Variants in PDCL2 observed in about 807,000 individuals in gnomAD.
The protein encoded by PDCL2 is phosducin like 2.
PDCL2 carries 23 observed loss-of-function variants against 30.3 expected under a neutral mutation model. The ratio of observed to expected loss-of-function variants is 0.76; its 90% confidence interval spans 0.55 to 1.08. PDCL2 has a LOEUF of 1.08. Ranked by LOEUF, PDCL2 falls within the 50% of genes least tolerant of loss-of-function variation. PDCL2 has a pLI of 0.00. For synonymous variants in PDCL2, 68 were observed against 86.2 expected, an observed-to-expected ratio of 0.79 and a Z score of 1.17; for missense variants, 243 against 282.3, an observed-to-expected ratio of 0.86 and a Z score of 1.00.
chr4:55,561,751 T>C (rs1480545625), intron 5 of PDCL2, among the ~76,000 whole-genome samples: 1 of 151,986 alleles, frequency 6.6e-6, no homozygotes, highest in Non-Finnish European at 1.5e-5. Flanking sequence ...AAATAGAAAG[T>C]CTTGTGTTGT....
chr4:55,556,743 ATCTTG>A, intron 5 of PDCL2, 32 bp from the exon 6 acceptor site: 1 of 1,464,482 alleles, frequency 6.8e-7, no homozygotes, highest in Admixed American at 2.8e-5. Context: ...TCAGTTAAAA[ATCTTG>A]AAAAAATGAA....
intron 1 of PDCL2, among the ~76,000 whole-genome samples, chr4:55,591,225 T>C (rs1370862893): frequency 2.0e-5 from 3 of 151,756 alleles, no homozygotes; most frequent in Admixed American, 2.0e-4. Context: ...ATCCCAGTGG[T>C]TTTAATCTGC....
At chr4:55,582,592 CA>C (rs1447185672) in intron 1 of PDCL2, among the ~76,000 whole-genome samples, 2 of 152,218 alleles carry the variant, frequency 1.3e-5, no homozygotes, top group African/African-American at 4.8e-5. Flanking sequence ...TCAAGACCAT[CA>C]GATGAACTTC....
At chr4:55,584,399 G>A (rs1732806585) in intron 1 of PDCL2, among the ~76,000 whole-genome samples, 2 of 152,202 alleles carry the variant, frequency 1.3e-5, no homozygotes, top group African/African-American at 2.4e-5. Flanking sequence ...TGGGACTACA[G>A]GTGCCTACCA....
intron 2 of PDCL2, 22 bp downstream of exon 2, chr4:55,582,094 GC>G: frequency 6.2e-7 from 1 of 1,610,790 alleles, no homozygotes; most frequent in Non-Finnish European, 8.5e-7. Context: ...CCATCATCCA[GC>G]CCACCAAATC....
intron 3 of PDCL2, among the ~76,000 whole-genome samples, chr4:55,573,895 T>C (rs1350683379): frequency 7.1e-6 from 1 of 141,106 alleles, no homozygotes; most frequent in Non-Finnish European, 1.5e-5. Context: ...TGTTTGTTTT[T>C]TGTTTGTTTT....
chr4:55,582,273 T>C, intron 1 of PDCL2, 36 bp from the exon 2 acceptor site: 1 of 1,552,538 alleles, frequency 6.4e-7, no homozygotes, highest in South Asian at 1.2e-5. Context: ...ATTAACATGG[T>C]TGTACACTTT....
At chr4:55,564,787 C>G (rs1732220321) in intron 4 of PDCL2, among the ~76,000 whole-genome samples, 1 of 152,172 alleles carries the variant, frequency 6.6e-6, no homozygotes, top group African/African-American at 2.4e-5. Flanking sequence ...AAAACAAACA[C>G]CACCCTTTTA....
intron 3 of PDCL2, among the ~76,000 whole-genome samples, chr4:55,578,278 C>T (rs1298939804): frequency 2.0e-5 from 3 of 152,102 alleles, no homozygotes; most frequent in East Asian, 3.9e-4. Flanking sequence ...ACACAGAACC[C>T]CAATATTTGG....
intron 1 of PDCL2, among the ~76,000 whole-genome samples, chr4:55,589,450 G>A (rs953804543): frequency 2.0e-5 from 3 of 152,182 alleles, no homozygotes; most frequent in South Asian, 2.1e-4. Flanking sequence ...CCAACAATAC[G>A]ACTCAGGTTA....
chr4:55,573,049 C>T lies in PDCL2; in HGVS notation c.219-3188G>A, dbSNP rs7665678. Among the ~76,000 whole-genome samples the T allele has an allele frequency of 1.1e-3, 175 of 152,270 alleles. 1 individual carries two copies. The highest frequency in any genetic ancestry group is 3.9e-3 in the African/African-American group (161 of 41,556). Reference sequence around the variant, plus strand: ...CTGGGATTACAGGCATGAGCCACCGCGCCCGGCTGTGTGTTTCTACTTCTT... The same window carrying T: ...CTGGGATTACAGGCATGAGCCACCGTGCCCGGCTGTGTGTTTCTACTTCTT... On this transcript the variant is annotated intron_variant, in intron 3 of 5. Coordinates refer to ENST00000295645, the MANE Select transcript of PDCL2 (RefSeq NM_152401.3).
chr4:55,576,496 T>G (rs550678565), intron 3 of PDCL2, among the ~76,000 whole-genome samples: 2 of 152,210 alleles, frequency 1.3e-5, no homozygotes, highest in African/African-American at 4.8e-5. Context: ...TATATAACAA[T>G]GTAGTCTGTG....
At chr4:55,569,289 T>A (rs747823480) in intron 4 of PDCL2, among the ~76,000 whole-genome samples, 11 of 152,168 alleles carry the variant, frequency 7.2e-5, no homozygotes, top group Non-Finnish European at 1.3e-4. Flanking sequence ...CATCATGCTA[T>A]GTTCAGTTTA....
intron 5 of PDCL2, among the ~76,000 whole-genome samples, chr4:55,560,740 G>A (rs1732110351): frequency 6.6e-6 from 1 of 152,166 alleles, no homozygotes; most frequent in Non-Finnish European, 1.5e-5. Flanking sequence ...CAAGGTGATG[G>A]TATTAAGAGG....
At chr4:55,578,114 T>A (rs548858550) in intron 3 of PDCL2, among the ~76,000 whole-genome samples, 1 of 152,328 alleles carries the variant, frequency 6.6e-6, no homozygotes, top group Admixed American at 6.5e-5. Context: ...GCTTTCTATA[T>A]TTTCCCAAAA....
chr4:55,586,929 C>A (rs1461971880), intron 1 of PDCL2, among the ~76,000 whole-genome samples: 2 of 151,492 alleles, frequency 1.3e-5, no homozygotes, highest in African/African-American at 2.4e-5. Flanking sequence ...TGTTAAGCAT[C>A]TTTTCATGTG....
intron 1 of PDCL2, among the ~76,000 whole-genome samples, chr4:55,583,645 G>A (rs1732785238): frequency 1.3e-5 from 2 of 152,116 alleles, no homozygotes; most frequent in Non-Finnish European, 2.9e-5. Context: ...TGGATATCCT[G>A]TTTCCCAACA....
intron 5 of PDCL2, among the ~76,000 whole-genome samples, chr4:55,559,957 T>C (rs4865013): frequency 0.34 from 51,361 of 151,944 alleles, 9,362 homozygotes; most frequent in East Asian, 0.58. Context: ...AAAAAGGTGA[T>C]TGCCTGGGCT....
chr4:55,571,555 CGG>C (rs1732423482), intron 3 of PDCL2, among the ~76,000 whole-genome samples: 1 of 94,380 alleles, frequency 1.1e-5, no homozygotes. Flanking sequence ...GGCATGGTGG[CGG>C]GCGCCTGTGG....
Sources: gnomAD v4.1 joint callset for allele counts (sites outside exome capture counted in the v4.1 genomes callset) on GRCh38, gnomAD v4.1.1 for gene constraint, MANE v1.5 for transcripts, NCBI Gene and HGNC (gene_info 2026-07-23, HGNC 2026-07-21) for gene names.